The following PCDH15 variants were observed in gnomAD, a reference collection of about 807,000 sequenced individuals.
The protein encoded by PCDH15 is protocadherin related 15.
Under a neutral mutation model 178.5 loss-of-function variants are expected in PCDH15, and 129 were observed. The ratio of observed to expected loss-of-function variants is 0.72; its 90% CI spans 0.63 to 0.84. The LOEUF (loss-of-function observed/expected upper bound fraction) is 0.84. Ranked by LOEUF, PCDH15 falls within the 40% of genes least tolerant of loss-of-function variation. The probability of loss-of-function intolerance (pLI) is 0.00; values close to 1 mark genes in which losing one functional copy is unlikely to be tolerated. For synonymous variants in PCDH15, 800 were observed against 732.0 expected (o/e 1.09, Z -1.50); for missense variants, 2,230 against 2,099.9 (o/e 1.06, Z -1.21).
At chr10:54,886,640 T>G (rs572929632) in intron 3 of PCDH15, among the ~76,000 whole-genome samples, 1 of 152,312 alleles carries the variant, frequency 6.6e-6, no homozygotes, top group East Asian at 1.9e-4. Flanking sequence ...CACATGTCTG[T>G]AATCCTAGCT....
chr10:54,352,840 A>G (rs1031281776), intron 5 of PCDH15, among the ~76,000 whole-genome samples: 1 of 152,164 alleles, frequency 6.6e-6, no homozygotes, highest in Non-Finnish European at 1.5e-5. Flanking sequence ...AACTGAAGGA[A>G]TCTTCCACGT....
chr10:54,671,221 A>G (rs2094663045), intron 1 of PCDH15, among the ~76,000 whole-genome samples: 1 of 152,200 alleles, frequency 6.6e-6, no homozygotes. Flanking sequence ...GAAGCTTGAA[A>G]GAGAGTTCTG....
intron 1 of PCDH15, among the ~76,000 whole-genome samples, chr10:55,172,007 CT>C (rs943688023): frequency 6.6e-6 from 1 of 151,900 alleles, no homozygotes; most frequent in African/African-American, 2.4e-5. Context: ...CATTTCAAAA[CT>C]TTTAGAAACA....
intron 2 of PCDH15, among the ~76,000 whole-genome samples, chr10:55,576,279 A>G (rs1842495816): frequency 6.6e-6 from 1 of 152,222 alleles, no homozygotes; most frequent in Admixed American, 6.5e-5. Flanking sequence ...ATCATAAGGA[A>G]GAGAATAATG....
intron 2 of PCDH15, among the ~76,000 whole-genome samples, chr10:55,588,090 T>A (rs1379622414): frequency 1.3e-5 from 2 of 152,162 alleles, no homozygotes; most frequent in Non-Finnish European, 2.9e-5. Flanking sequence ...ATCCTCTATT[T>A]TAAAGCGCTT....
At chr10:55,553,955 G>C (rs1842044048) in intron 2 of PCDH15, among the ~76,000 whole-genome samples, 1 of 151,980 alleles carries the variant, frequency 6.6e-6, no homozygotes, top group African/African-American at 2.4e-5. Flanking sequence ...GGAAGAACCA[G>C]AACCAAGTTT....
rs576072446 is a variant in PCDH15, at chr10:54,560,370, T to C, written c.92-32493A>G. Among the ~76,000 whole-genome samples, 82 of 152,254 alleles carry C rather than the reference T, an allele frequency of 5.4e-4. 1 individual carries two copies. The Middle Eastern group carries it at 0.014, about 25-fold the overall frequency. On this transcript the variant is annotated intron_variant, in intron 2 of 37. Transcript: ENST00000644397. The stretch of plus-strand genomic sequence containing the variant: ...CTTTGGATGATACTTTGTAAGCATA[T>C]AGACATGAAACTATTTAAAATCATT...
At chr10:55,046,262 G>T (rs1290397177) in intron 2 of PCDH15, among the ~76,000 whole-genome samples, 2 of 151,942 alleles carry the variant, frequency 1.3e-5, no homozygotes, top group African/African-American at 2.4e-5. Flanking sequence ...GTATCTAGCA[G>T]CCCAAAAGAG....
chr10:54,689,112 T>C (rs1457941114), intron 1 of PCDH15, among the ~76,000 whole-genome samples: 1 of 152,038 alleles, frequency 6.6e-6, no homozygotes, highest in African/African-American at 2.4e-5. Flanking sequence ...AATTTTTCTT[T>C]CTTACTACAA....
chr10:55,284,537 ACT>A (rs1159848496), intron 1 of PCDH15, among the ~76,000 whole-genome samples: 2 of 151,106 alleles, frequency 1.3e-5, no homozygotes, highest in Non-Finnish European at 2.9e-5. Context: ...TGATTCTATG[ACT>A]CTGACCTTTG....
At chr10:54,164,022 T>C (rs1479906885) in intron 13 of PCDH15, among the ~76,000 whole-genome samples, 2 of 152,082 alleles carry the variant, frequency 1.3e-5, no homozygotes, top group African/African-American at 2.4e-5. Context: ...TTTGGCGAAG[T>C]TTGGACAGAC....
intron 17 of PCDH15, among the ~76,000 whole-genome samples, chr10:54,078,110 C>A (rs1267374716): frequency 1.3e-5 from 2 of 152,040 alleles, no homozygotes; most frequent in East Asian, 1.9e-4. Flanking sequence ...TAAAAATTAG[C>A]CATAGGTTTT....
intron 2 of PCDH15, among the ~76,000 whole-genome samples, chr10:54,948,846 A>T (rs1370014295): frequency 6.6e-6 from 1 of 151,940 alleles, no homozygotes; most frequent in Non-Finnish European, 1.5e-5. Context: ...ACACCCTCAC[A>T]GATATATCTG....
At chr10:54,443,392 A>G (rs2075957235) in intron 3 of PCDH15, among the ~76,000 whole-genome samples, 1 of 151,524 alleles carries the variant, frequency 6.6e-6, no homozygotes, top group Non-Finnish European at 1.5e-5. Context: ...AGATGTTGGT[A>G]GATATAGAGG....
intron 2 of PCDH15, among the ~76,000 whole-genome samples, chr10:54,543,886 A>G (rs138377015): frequency 6.6e-6 from 1 of 152,280 alleles, no homozygotes; most frequent in East Asian, 1.9e-4. Context: ...ACTAGTCCCA[A>G]TGCACTTTCT....
intron 2 of PCDH15, among the ~76,000 whole-genome samples, chr10:55,605,022 G>A (rs1018660034): frequency 6.6e-6 from 1 of 152,056 alleles, no homozygotes; most frequent in African/African-American, 2.4e-5. Flanking sequence ...GAAAACAAGA[G>A]AGAAGAATCA....
At position 54,220,703 on chromosome 10, in the gene PCDH15, T is replaced by C. The variant is rs535522821; in HGVS notation, c.986-6655A>G. On this transcript the variant is annotated intron_variant, in intron 9 of 37. Transcript: ENST00000644397. ...AGCCGGGCGTGGTGGCGGGCGCCTG[T>C]AGTCCTAGCTACTCCGGAGGCTGAC... Among the ~76,000 whole-genome samples, 342 of 152,136 alleles carry C rather than the reference T, an allele frequency of 2.2e-3. 2 individuals carry two copies. Among genetic ancestry groups the C allele is most frequent in the African/African-American group, 7.9e-3 (328 of 41,530 alleles).
At chr10:55,602,379 G>A (rs556524460) in intron 2 of PCDH15, among the ~76,000 whole-genome samples, 104 of 152,264 alleles carry the variant, frequency 6.8e-4, no homozygotes, top group Non-Finnish European at 1.2e-3. Flanking sequence ...ACTGGGTGGA[G>A]CCCACCACAG....
intron 3 of PCDH15, among the ~76,000 whole-genome samples, chr10:54,392,715 A>C (rs769253672): frequency 6.6e-6 from 1 of 151,772 alleles, no homozygotes; most frequent in Non-Finnish European, 1.5e-5. Flanking sequence ...CCTGGCCAAC[A>C]TAGTGAAACC....
Sources: gnomAD v4.1 joint callset for allele counts (sites outside exome capture counted in the v4.1 genomes callset) on GRCh38, gnomAD v4.1.1 for gene constraint, MANE v1.5 for transcripts, NCBI Gene and HGNC (gene_info 2026-07-23, HGNC 2026-07-21) for gene names.